Variants in LPP observed in about 807,000 individuals in gnomAD.
LPP encodes the protein LIM domain containing preferred translocation partner in lipoma.
Under a neutral mutation model 60.4 loss-of-function variants are expected in LPP, and 38 were observed. That is an observed-to-expected ratio of 0.63 (90% CI 0.49 to 0.83). The LOEUF (loss-of-function observed/expected upper bound fraction) is 0.83, where lower values mean the gene tolerates loss of function less well. LPP is among the 40% of genes least tolerant of loss of function. LPP has a pLI of 0.00. For missense variants in LPP, 902 were observed against 783.6 expected, an observed-to-expected ratio of 1.15 and a Z score of -1.80; for synonymous variants, 328 against 290.8, an observed-to-expected ratio of 1.13 and a Z score of -1.30.
intron 9 of LPP, among the ~76,000 whole-genome samples, chr3:188,768,816 T>A (rs1294888184): frequency 1.3e-5 from 2 of 152,206 alleles, no homozygotes; most frequent in Non-Finnish European, 2.9e-5. Flanking sequence ...TTGTTTTTTA[T>A]CATTTTATGC....
At chr3:188,707,061 C>A (rs1865624520) in intron 7 of LPP, among the ~76,000 whole-genome samples, 1 of 152,026 alleles carries the variant, frequency 6.6e-6, no homozygotes, top group Admixed American at 6.6e-5. Flanking sequence ...TTTTTACATA[C>A]TTTTTATTCT....
chr3:188,202,501 C>T (rs188023526), intron 1 of LPP, among the ~76,000 whole-genome samples: 2 of 152,316 alleles, frequency 1.3e-5, no homozygotes, highest in Non-Finnish European at 2.9e-5. Flanking sequence ...CAGACTGTGT[C>T]GTCTGCATCA....
chr3:188,736,411 T>A (rs1033008752), intron 8 of LPP, among the ~76,000 whole-genome samples: 6 of 152,018 alleles, frequency 3.9e-5, no homozygotes, highest in Non-Finnish European at 7.4e-5. Flanking sequence ...AGTAGATAAA[T>A]ACAAATGGAT....
chr3:188,191,895 T>C (rs549168333), intron 1 of LPP, among the ~76,000 whole-genome samples: 50 of 152,284 alleles, frequency 3.3e-4, no homozygotes, highest in African/African-American at 1.1e-3. Context: ...TTTAAATATG[T>C]ATAACACTGT....
intron 7 of LPP, among the ~76,000 whole-genome samples, chr3:188,627,835 C>G (rs1847133330): frequency 6.6e-6 from 1 of 152,126 alleles, no homozygotes. Flanking sequence ...GCACATGACA[C>G]ATACTCTAAG....
intron 9 of LPP, among the ~76,000 whole-genome samples, chr3:188,791,829 A>G (rs1295346073): frequency 6.6e-6 from 1 of 151,882 alleles, no homozygotes; most frequent in Non-Finnish European, 1.5e-5. Flanking sequence ...AGCACCTGTT[A>G]TTTTTTTAGT....
At chr3:188,732,156 C>T (rs1218554659) in intron 8 of LPP, among the ~76,000 whole-genome samples, 1 of 152,116 alleles carries the variant, frequency 6.6e-6, no homozygotes, top group Non-Finnish European at 1.5e-5. Context: ...AAACTTGTGA[C>T]CGATGCTATG....
chr3:188,740,881 T>C (rs942340387), intron 8 of LPP, among the ~76,000 whole-genome samples: 3 of 152,014 alleles, frequency 2.0e-5, no homozygotes, highest in Admixed American at 6.6e-5. Flanking sequence ...AAATGTGAAA[T>C]ATCTTTGCTG....
intron 6 of LPP, among the ~76,000 whole-genome samples, chr3:188,539,593 G>A (rs1417901227): frequency 1.3e-5 from 2 of 152,118 alleles, no homozygotes; most frequent in African/African-American, 4.8e-5. Context: ...CATTTGAAAT[G>A]ACACTCTGGT....
At chr3:188,717,886 C>T (rs369936105) in intron 8 of LPP, among the ~76,000 whole-genome samples, 3 of 151,998 alleles carry the variant, frequency 2.0e-5, no homozygotes, top group South Asian at 2.1e-4. Context: ...GGTGCGATCT[C>T]GGTGCACCAC....
In LPP at chr3:188,377,293, C is replaced by T. The variant is rs149688782; in HGVS notation, c.-9-28819C>T. On this transcript the variant is annotated intron_variant, in intron 3 of 11. Transcript: ENST00000617246. ...GGAAGTTCTTCTGGATAATATCCTG[C>T]CGAGTGTTTTCCAACTTGGTTTCAT... is the stretch of plus-strand genomic sequence containing the variant. Among the ~76,000 whole-genome samples, 738 of 152,266 alleles carry T rather than the reference C, an allele frequency of 4.8e-3. 11 individuals carry two copies. Among genetic ancestry groups the T allele is most frequent in the African/African-American group, 0.017 (717 of 41,546 alleles).
At chr3:188,406,441 T>A in intron 4 of LPP, 128 bp downstream of exon 4, 1 of 866,502 alleles carries the variant, frequency 1.2e-6, no homozygotes, top group Non-Finnish European at 1.8e-6. Context: ...CATAGGCTAC[T>A]AAAAGTAAAG....
At chr3:188,831,135 G>A (rs1359992812) in intron 9 of LPP, among the ~76,000 whole-genome samples, 1 of 152,094 alleles carries the variant, frequency 6.6e-6, no homozygotes, top group Non-Finnish European at 1.5e-5. Flanking sequence ...AGGAGATGGC[G>A]CCTGGTAAGA....
At chr3:188,698,788 A>G (rs1268699899) in intron 7 of LPP, among the ~76,000 whole-genome samples, 1 of 152,232 alleles carries the variant, frequency 6.6e-6, no homozygotes, top group Non-Finnish European at 1.5e-5. Context: ...AGACTGTACA[A>G]GAATTAATAG....
At chr3:188,648,760 C>T (rs931161667) in intron 7 of LPP, among the ~76,000 whole-genome samples, 7 of 152,136 alleles carry the variant, frequency 4.6e-5, no homozygotes, top group Non-Finnish European at 1.5e-5. Flanking sequence ...TGCTCAAGCA[C>T]CAAGAAAATT....
chr3:188,230,424 G>A (rs1719467126), intron 2 of LPP, among the ~76,000 whole-genome samples: 1 of 152,152 alleles, frequency 6.6e-6, no homozygotes, highest in Admixed American at 6.5e-5. Context: ...CTTACGCTGA[G>A]TGCTTGGGAA....
intron 9 of LPP, among the ~76,000 whole-genome samples, chr3:188,841,001 G>T (rs1198150930): frequency 6.6e-6 from 1 of 152,076 alleles, no homozygotes; most frequent in East Asian, 1.9e-4. Flanking sequence ...TTCCTCCCGG[G>T]TCCCAGTGCA....
At chr3:188,685,840 A>T (rs73058706) in intron 7 of LPP, among the ~76,000 whole-genome samples, 10,002 of 151,848 alleles carry the variant, frequency 0.066, 486 homozygotes, top group African/African-American at 0.13. Context: ...CTTCTCTACT[A>T]CTTTTCTTAA....
intron 2 of LPP, among the ~76,000 whole-genome samples, chr3:188,336,725 G>A (rs1040210920): frequency 1.3e-5 from 2 of 152,144 alleles, no homozygotes; most frequent in Non-Finnish European, 2.9e-5. Context: ...AGGTAGACCA[G>A]CTCCAGGGAA....
Sources: gnomAD v4.1 joint callset for allele counts (sites outside exome capture counted in the v4.1 genomes callset) on GRCh38, gnomAD v4.1.1 for gene constraint, MANE v1.5 for transcripts, NCBI Gene and HGNC (gene_info 2026-07-23, HGNC 2026-07-21) for gene names.